The following DYSF variants were observed in gnomAD, a reference collection of about 807,000 sequenced individuals.
The protein encoded by DYSF is dysferlin.
Under a neutral mutation model 274.9 loss-of-function variants are expected in DYSF, and 212 were observed. The observed-to-expected ratio is 0.77, with a 90% CI of 0.69 to 0.86. The LOEUF (loss-of-function observed/expected upper bound fraction) is 0.86, where lower values mean the gene tolerates loss of function less well. Among genes scored for constraint, DYSF ranks in the 40% least tolerant of loss-of-function variants. The probability of loss-of-function intolerance (pLI) is 0.00; values close to 1 mark genes in which losing one functional copy is unlikely to be tolerated. For missense variants in DYSF, 2,666 were observed against 2,783.2 expected, an observed-to-expected ratio of 0.96 and a Z score of 0.95; for synonymous variants, 1,091 against 1,078.7, an observed-to-expected ratio of 1.01 and a Z score of -0.22.
chr2:71,491,868 G>T (rs2083884564), intron 3 of DYSF, among the ~76,000 whole-genome samples: 1 of 152,160 alleles, frequency 6.6e-6, no homozygotes, highest in Non-Finnish European at 1.5e-5. Flanking sequence ...GTGCTGCAAT[G>T]AACATACATA....
chr2:71,656,762 G>C (rs943489752), intron 43 of DYSF, among the ~76,000 whole-genome samples: 1 of 152,104 alleles, frequency 6.6e-6, no homozygotes, highest in Admixed American at 6.6e-5. Flanking sequence ...ATCAGATCTT[G>C]TGAGACTTAT....
intron 29 of DYSF, among the ~76,000 whole-genome samples, chr2:71,572,870 T>A (rs553831710): frequency 1.3e-5 from 2 of 152,060 alleles, no homozygotes; most frequent in East Asian, 3.9e-4. Flanking sequence ...GGGGCTGGGG[T>A]GGGCCCCGTT....
chr2:71,571,806 TCACACCCAGCA>T (rs1383633021), intron 29 of DYSF, among the ~76,000 whole-genome samples: 1 of 91,242 alleles, frequency 1.1e-5, no homozygotes, highest in African/African-American at 4.3e-5. Flanking sequence ...CACACACAGC[TCACACCCAGCA>T]CACACACATC....
intron 42 of DYSF, among the ~76,000 whole-genome samples, chr2:71,654,643 A>G (rs1198920653): frequency 2.0e-5 from 3 of 152,144 alleles, no homozygotes; most frequent in East Asian, 1.9e-4. Flanking sequence ...AATAATATTG[A>G]AAAACCGCAA....
chr2:71,520,857 T>G lies in DYSF; in HGVS notation c.1102T>G (p.Tyr368Asp). 6.2e-7 allele frequency: 1 copy of G among 1,614,162 alleles called. No individual in the cohort carries two copies. The highest frequency in any genetic ancestry group is 8.5e-7 in the Non-Finnish European group (1 of 1,180,020). ...TGACTTCTCTGCTGGGGCCAGAGGCTACCTGAAAACAAGCCTTTGTGTGCT... is the reference window on the plus strand; with the variant it reads ...TGACTTCTCTGCTGGGGCCAGAGGCGACCTGAAAACAAGCCTTTGTGTGCT... ...PDDFSAGARG[Y>D]LKTSLCVLGP... The change falls in exon 12 of 56, where the codon TAC (tyrosine) becomes GAC (aspartate). Residue 368 changes from tyrosine (Y) to aspartate (D), a missense_variant. By Grantham distance (160) the Tyr-to-Asp change is radical. This residue lies in a region of DYSF where 794 missense variants were observed against 777.1 expected (regional missense o/e 1.02). Transcript: ENST00000410020.
intron 36 of DYSF, 93 bp downstream of exon 36, chr2:71,602,898 T>A: frequency 6.7e-7 from 1 of 1,483,742 alleles, no homozygotes; most frequent in Non-Finnish European, 9.2e-7. Flanking sequence ...TCCAGGTTCC[T>A]GGTGCCCAGC....
upstream of DYSF, among the ~76,000 whole-genome samples, chr2:71,461,946 A>G (rs2081299830): frequency 6.6e-6 from 1 of 152,210 alleles, no homozygotes; most frequent in Non-Finnish European, 1.5e-5. Flanking sequence ...GGATCAGCTC[A>G]CTTAACTGGT....
At chr2:71,568,473 G>A (rs1574045981) in intron 26 of DYSF, 135 bp downstream of exon 26, 1 of 1,216,288 alleles carries the variant, frequency 8.2e-7, no homozygotes, top group East Asian at 2.3e-5. Flanking sequence ...AACTTCCGCT[G>A]AACTCTCCCA....
At chr2:71,642,733 C>T (rs546350385) in intron 41 of DYSF, among the ~76,000 whole-genome samples, 7 of 152,320 alleles carry the variant, frequency 4.6e-5, no homozygotes, top group Non-Finnish European at 7.3e-5. Flanking sequence ...GGTGGAGACT[C>T]GAGAACCTCA....
intron 52 of DYSF, among the ~76,000 whole-genome samples, chr2:71,676,708 T>TTTAAAAAATAAAACCA (rs2095228259): frequency 6.6e-6 from 1 of 152,218 alleles, no homozygotes; most frequent in African/African-American, 2.4e-5. Flanking sequence ...CATCCTTTGT[T>TTTAAAAAATAAAACCA]TTAAAAAATA....
intron 3 of DYSF, 37 bp from the exon 4 acceptor site, chr2:71,503,177 G>A: frequency 1.3e-6 from 2 of 1,597,766 alleles, no homozygotes; most frequent in Non-Finnish European, 1.7e-6. Context: ...GGGTGCCTTA[G>A]GCTAGTTTTC....
intron 23 of DYSF, among the ~76,000 whole-genome samples, chr2:71,563,091 G>A (rs1371122435): frequency 6.6e-6 from 1 of 152,216 alleles, no homozygotes; most frequent in Non-Finnish European, 1.5e-5. Flanking sequence ...CCCTGGAACT[G>A]GGGCAAACCT....
chr2:71,523,405 G>T (rs913650472), intron 12 of DYSF, among the ~76,000 whole-genome samples: 2 of 152,180 alleles, frequency 1.3e-5, no homozygotes, highest in African/African-American at 4.8e-5. Context: ...GCTAAAAATT[G>T]AGGGTTTGTT....
chr2:71,529,539 A>G (rs1029910438), intron 14 of DYSF, among the ~76,000 whole-genome samples: 1 of 152,250 alleles, frequency 6.6e-6, no homozygotes, highest in Non-Finnish European at 1.5e-5. Context: ...TGCATGTCAT[A>G]TGGCATCACA....
At chr2:71,651,974 G>GGAAATAGGAGTTTCCTTAATGTTAAAAA (rs2152932126) in intron 42 of DYSF, among the ~76,000 whole-genome samples, 1 of 152,232 alleles carries the variant, frequency 6.6e-6, no homozygotes, top group South Asian at 2.1e-4. Flanking sequence ...GTAACATATT[G>GGAAATAGGAGTTTCCTTAATGTTAAAAA]GAAATAGGAG....
intron 40 of DYSF, among the ~76,000 whole-genome samples, chr2:71,617,852 T>C (rs1353109863): frequency 2.9e-5 from 1 of 35,074 alleles, no homozygotes; most frequent in Non-Finnish European, 6.0e-5. Context: ...GTGGTAGAGA[T>C]GGGGTGTGTG....
chr2:71,495,503 A>G (rs1412718722), intron 3 of DYSF, among the ~76,000 whole-genome samples: 1 of 152,198 alleles, frequency 6.6e-6, no homozygotes, highest in East Asian at 1.9e-4. Context: ...GGTGAGTGTG[A>G]CATCCTAGGG....
chr2:71,548,802 G>A (rs1437932705), intron 17 of DYSF, among the ~76,000 whole-genome samples: 5 of 145,982 alleles, frequency 3.4e-5, no homozygotes, highest in Non-Finnish European at 5.9e-5. Context: ...GAGCCTTCAG[G>A]GGGGTGATCC....
chr2:71,573,430 A>G (rs13414377), intron 29 of DYSF, among the ~76,000 whole-genome samples: 2,869 of 152,162 alleles, frequency 0.019, 91 homozygotes, highest in African/African-American at 0.065. Context: ...GGTGTCTGAC[A>G]ACAGTGCCAG....
Sources: allele counts gnomAD v4.1 joint callset (sites outside exome capture counted in the v4.1 genomes callset), GRCh38; gene constraint gnomAD v4.1.1; regional missense constraint gnomAD v4.1.1; transcripts MANE v1.5; gene names NCBI Gene and HGNC (gene_info 2026-07-23, HGNC 2026-07-21).